ZNF674: variants seen among roughly 807,000 people sequenced by gnomAD.
ZNF674 encodes zinc finger family member 674.
ZNF674 carries 2 observed loss-of-function variants against 7.0 expected under a neutral mutation model. The ratio of observed to expected loss-of-function variants is 0.29; its 90% CI spans 0.12 to 0.90. ZNF674 has a LOEUF of 0.90. ZNF674 is among the 40% of genes least tolerant of loss of function. The pLI is 0.57. For missense variants in ZNF674, 297 were observed against 415.5 expected (o/e 0.71, Z 2.48); for synonymous variants, 103 against 145.2 (o/e 0.71, Z 2.09).
At chrX:46,512,767 A>C (rs374987643) in intron 5 of ZNF674, among the ~76,000 whole-genome samples, 6 of 101,608 alleles carry the variant, frequency 5.9e-5, no homozygotes, top group African/African-American at 2.4e-4. Flanking sequence ...CCATCTCACA[A>C]AAAAAAAAAA....
chrX:46,518,890 CTAAATAAA>C (rs200920300), intron 5 of ZNF674, among the ~76,000 whole-genome samples: 23 of 99,418 alleles, frequency 2.3e-4, no homozygotes, highest in African/African-American at 7.9e-4. Context: ...GACTCCGTCT[CTAAATAAA>C]TAAATAAATA....
In ZNF674 at chrX:46,499,644, A is replaced by C; in HGVS notation, c.*199T>G. 3.0e-6 allele frequency: 1 copy of C among 329,424 alleles called. No homozygotes were observed. The highest frequency in any genetic ancestry group is 4.7e-5 in the East Asian group (1 of 21,330). 27.1% of individuals were successfully genotyped at this position (329,424 alleles called of 1,213,427 possible). ...CTGGGTGAAGAATTCTGGGTGAAAA[A>C]ACTGATCACATTTATTGACACCTCT... On this transcript the variant is annotated 3_prime_UTR_variant, in exon 6 of 6. Transcript: ENST00000683375.
At chrX:46,527,134 G>A (rs1043817805) in intron 5 of ZNF674, among the ~76,000 whole-genome samples, 2 of 109,804 alleles carry the variant, frequency 1.8e-5, no homozygotes, top group Admixed American at 9.8e-5. Flanking sequence ...CATGGTGGCG[G>A]GTGCCTGTAA....
intron 5 of ZNF674, among the ~76,000 whole-genome samples, chrX:46,515,418 CA>C (rs1270963639): frequency 9.2e-6 from 1 of 108,447 alleles, no homozygotes; most frequent in African/African-American, 3.3e-5. Context: ...AAAGCTCATT[CA>C]ACAAGAAATA....
chrX:46,528,662 C>A, intron 4 of ZNF674, 121 bp downstream of exon 4: 1 of 1,133,996 alleles, frequency 8.8e-7, no homozygotes, highest in Admixed American at 2.4e-5. Flanking sequence ...TGGGCAGTAA[C>A]CCAAACTCAC....
chrX:46,511,472 G>GA (rs1005546099), intron 5 of ZNF674, among the ~76,000 whole-genome samples: 11 of 111,637 alleles, frequency 9.9e-5, no homozygotes, highest in Non-Finnish European at 1.9e-4. Flanking sequence ...ATCTTCCTGA[G>GA]AAAAAATTTG....
chrX:46,529,167 T>G, intron 3 of ZNF674: 1 of 437,012 alleles, frequency 2.3e-6, no homozygotes, highest in East Asian at 4.1e-5. Context: ...GCATCCACGC[T>G]GGCCTTTCTT....
At chrX:46,508,123 A>C (rs1941575848) in intron 5 of ZNF674, among the ~76,000 whole-genome samples, 1 of 111,686 alleles carries the variant, frequency 9.0e-6, no homozygotes, top group Non-Finnish European at 1.9e-5. Context: ...GATGAAACAT[A>C]ATGGTCTAGA....
chrX:46,521,250 T>C (rs1475743017), intron 5 of ZNF674, among the ~76,000 whole-genome samples: 1 of 109,390 alleles, frequency 9.1e-6, no homozygotes, highest in East Asian at 2.9e-4. Context: ...GACAGTATGC[T>C]TGCAATAAAG....
intron 5 of ZNF674, among the ~76,000 whole-genome samples, chrX:46,519,264 A>AGATAGATAGAT (rs1556015268): frequency 1.7e-5 from 1 of 57,780 alleles, no homozygotes; most frequent in African/African-American, 7.0e-5. Context: ...ATAGATAGAT[A>AGATAGATAGAT]AAGATAGATG....
chrX:46,530,100 G>A (rs897722296), intron 3 of ZNF674, among the ~76,000 whole-genome samples: 8 of 111,515 alleles, frequency 7.2e-5, no homozygotes, highest in Non-Finnish European at 1.1e-4. Context: ...CTAATAACCC[G>A]CCTGTTTCTG....
Position 46,499,915 on chromosome X carries a change from A to C in ZNF674, c.1659T>G (p.Cys553Trp), listed in dbSNP as rs1941380756. The C allele has an allele frequency of 8.5e-7, 1 of 1,175,456 alleles. No homozygotes were observed. The highest frequency in any genetic ancestry group is 1.1e-6 in the Non-Finnish European group (1 of 876,528). Residue 553 changes from cysteine to tryptophan, a missense_variant, in exon 6 of 6, where the codon TGT (cysteine) becomes TGG (tryptophan). By Grantham distance (215) the Cys-to-Trp change is radical (BLOSUM62 -2). Coordinates refer to ENST00000683375, the MANE Select transcript of ZNF674 (RefSeq NM_001190417.2). The stretch of plus-strand genomic sequence containing the variant: ...TTGACTTCCCACTGAATGCTTTCCC[A>C]CAGTCTCTGCATTCATAAGGTTTCT... ...TGEKPYECRD[C>W]GKAFSGKSTL... is the part of the protein sequence containing the mutation.
intron 5 of ZNF674, among the ~76,000 whole-genome samples, chrX:46,505,919 C>T (rs1363910829): frequency 8.9e-6 from 1 of 112,367 alleles, no homozygotes; most frequent in Non-Finnish European, 1.9e-5. Context: ...CTCACAGCTA[C>T]CCAAGGGGAT....
intron 1 of ZNF674, among the ~76,000 whole-genome samples, 168 bp from the exon 2 acceptor site, chrX:46,544,779 G>A (rs2146623648): frequency 8.9e-6 from 1 of 111,948 alleles, no homozygotes; most frequent in Admixed American, 9.5e-5. Flanking sequence ...CTCAGTGAGC[G>A]AAACCCTGCC....
chrX:46,524,906 A>C (rs937951171), intron 5 of ZNF674, among the ~76,000 whole-genome samples: 5 of 109,576 alleles, frequency 4.6e-5, no homozygotes, highest in African/African-American at 1.0e-4. Flanking sequence ...GCTACTCTGG[A>C]GGCTAAGGCA....
In ZNF674 at chrX:46,533,835, T is replaced by A. The variant is rs866325787; in HGVS notation, c.16-4926A>T. Among the ~76,000 whole-genome samples, 387 of 79,012 alleles carry A rather than the reference T, an allele frequency of 4.9e-3. 2 individuals carry two copies. Among genetic ancestry groups the A allele is most frequent in the East Asian group, 0.024 (57 of 2,331 alleles). 68.6% of individuals were successfully genotyped at this position (79,012 alleles called of 115,157 possible). ...TCAAAAAAAAAAAAAAAAAAATATA[T>A]ATATATATATATATATATACACACA... On this transcript the variant is annotated intron_variant, in intron 3 of 5. Coordinates refer to ENST00000683375, the MANE Select transcript of ZNF674 (RefSeq NM_001190417.2).
intron 5 of ZNF674, among the ~76,000 whole-genome samples, chrX:46,520,426 A>C: frequency 9.0e-6 from 1 of 110,819 alleles, no homozygotes. Flanking sequence ...TAATAAAAAG[A>C]GTGACATGAG....
chrX:46,507,055 A>C lies in ZNF674; in HGVS notation c.239-5720T>G, dbSNP rs761738624. On this transcript the variant is annotated intron_variant, in intron 5 of 5. Transcript: ENST00000683375. ...ATATGGAGAAAGAAACAAATGAAAG[A>C]AACAAAACAAGCCAGGAGAAGTGGT... 2.7e-5 allele frequency among the ~76,000 whole-genome samples: 3 copies of C among 111,868 alleles called. No homozygotes were observed. The South Asian group carries it at 1.1e-3, about 42-fold the overall frequency.
chrX:46,537,422 A>G (rs1431275736), intron 3 of ZNF674, among the ~76,000 whole-genome samples: 1 of 112,042 alleles, frequency 8.9e-6, no homozygotes, highest in Non-Finnish European at 1.9e-5. Context: ...AAACAAAAAA[A>G]TTCTGAAAGG....
Sources: allele counts gnomAD v4.1 joint callset (sites outside exome capture counted in the v4.1 genomes callset), GRCh38; gene constraint gnomAD v4.1.1; transcripts MANE v1.5; gene names NCBI Gene and HGNC (gene_info 2026-07-23, HGNC 2026-07-21).